The following MICAL3 variants were observed in gnomAD, a reference collection of about 807,000 sequenced individuals.
MICAL3 encodes the protein [F-actin]-monooxygenase MICAL3.
A neutral mutation model predicts 207.4 loss-of-function variants in MICAL3; 62 were observed. That is an observed-to-expected ratio of 0.30 (90% CI 0.24 to 0.37). MICAL3 has a LOEUF of 0.37. Ranked by LOEUF, MICAL3 falls within the 10% of genes least tolerant of loss-of-function variation. MICAL3 has a pLI of 1.00. For synonymous variants in MICAL3, 1,077 were observed against 1,069.3 expected (o/e 1.01, Z -0.14); for missense variants, 2,368 against 2,635.6 (o/e 0.90, Z 2.22).
chr22:17,829,742 C>T (rs1281218434), intron 21 of MICAL3, among the ~76,000 whole-genome samples: 2 of 152,220 alleles, frequency 1.3e-5, no homozygotes, highest in South Asian at 2.1e-4. Context: ...GATAGGTTTC[C>T]TGCATCAGAG....
chr22:17,960,660 G>A (rs899492247), intron 1 of MICAL3, among the ~76,000 whole-genome samples: 17 of 152,046 alleles, frequency 1.1e-4, no homozygotes, highest in African/African-American at 3.4e-4. Flanking sequence ...CTGTGTCCCC[G>A]TCCGCTTAGG....
At chr22:17,893,022 C>T (rs952491591) in intron 11 of MICAL3, among the ~76,000 whole-genome samples, 1 of 152,206 alleles carries the variant, frequency 6.6e-6, no homozygotes, top group Admixed American at 6.5e-5. Flanking sequence ...GTGAGGTAGA[C>T]ACTGCTGCCC....
rs757904216 is a variant in MICAL3 at position 17,900,952 on chromosome 22, G to A, written c.737C>T (p.Thr246Met). 1 of 1,613,986 alleles carries A rather than the reference G, an allele frequency of 6.2e-7. No individual in the cohort carries two copies. Among genetic ancestry groups the A allele is most frequent in the Non-Finnish European group, 8.5e-7 (1 of 1,179,850 alleles). The change falls in exon 6 of 32, where the codon ACG (threonine) becomes ATG (methionine). Residue 246 changes from threonine to methionine, a missense_variant. Thr to Met is a moderately conservative substitution (Grantham distance 81, BLOSUM62 -1). Around this residue, in one of 4 missense-constraint regions of MICAL3, gnomAD observed 400 missense variants for 547.0 expected, o/e 0.73. Transcript: ENST00000441493. This position sits in a 1 kb window ranked among gnomAD's most constrained non-coding sequence, Gnocchi z 4.0. Reference protein sequence around the residue: ...EFRGKLAIAITANFINRNTTA... With the variant: ...EFRGKLAIAIMANFINRNTTA... ...TGTATTTCGGTTGATAAAATTTGCC[G>A]TGATGGCGATGGCCAGTTTGCCACG...
chr22:17,879,670 G>T (rs1239081679), intron 16 of MICAL3, among the ~76,000 whole-genome samples: 1 of 152,194 alleles, frequency 6.6e-6, no homozygotes, highest in African/African-American at 2.4e-5. Context: ...TACAAAGGTG[G>T]AACAAGCATA....
chr22:17,852,274 G>A (rs1357261625), intron 19 of MICAL3, among the ~76,000 whole-genome samples: 2 of 152,256 alleles, frequency 1.3e-5, no homozygotes, highest in East Asian at 1.9e-4. Flanking sequence ...GTTGCCTGCC[G>A]CAGTGCCCAT....
intron 1 of MICAL3, among the ~76,000 whole-genome samples, chr22:18,001,668 C>G (rs1312740384): frequency 3.3e-5 from 5 of 152,364 alleles, no homozygotes; most frequent in Admixed American, 2.6e-4. Flanking sequence ...TCAGTCTTGC[C>G]AGAATCTCAC....
In MICAL3 at chr22:17,791,243, C is replaced by G. The variant is rs199721269; in HGVS notation, c.5709G>C (p.Glu1903Asp). 6.4e-5 allele frequency: 104 copies of G among 1,613,960 alleles called. No individual in the cohort carries two copies. In the African/African-American group the frequency reaches 1.0e-3, roughly 16 times the overall value. Reference sequence around the variant, plus strand: ...ACTCGTAGCGCACCATGGCGTTCTTCTCCTGCACTAGCTTGAACCACTCCT... The same window carrying G: ...ACTCGTAGCGCACCATGGCGTTCTTGTCCTGCACTAGCTTGAACCACTCCT... ...LMQEWFKLVQ[E>D]KNAMVRYESE... The change falls in exon 30 of 32, where the codon GAG becomes GAC. Residue 1903 changes from glutamate (E) to aspartate (D), a missense_variant. Glu to Asp is a conservative substitution (Grantham distance 45, BLOSUM62 2). Coordinates refer to ENST00000441493, the MANE Select transcript of MICAL3 (RefSeq NM_015241.3).
chr22:18,023,717 C>A (rs1413980085), intron 1 of MICAL3, among the ~76,000 whole-genome samples: 1 of 152,260 alleles, frequency 6.6e-6, no homozygotes, highest in Non-Finnish European at 1.5e-5. Flanking sequence ...CCTGGGAGCG[C>A]AAGCGTGTGC....
At chr22:17,833,993 C>T (rs1351503712) in intron 20 of MICAL3, among the ~76,000 whole-genome samples, 2 of 152,188 alleles carry the variant, frequency 1.3e-5, no homozygotes, top group African/African-American at 4.8e-5. Flanking sequence ...CGAACCATAA[C>T]CATGAGTACA....
chr22:17,867,903 C>T (rs145289401), intron 17 of MICAL3, among the ~76,000 whole-genome samples: 22 of 152,290 alleles, frequency 1.4e-4, no homozygotes, highest in African/African-American at 5.1e-4. Flanking sequence ...CATTAATTTG[C>T]TTGTTTTTGC....
Position 17,895,293 on chromosome 22 carries a change from C to A in MICAL3, c.1440G>T (p.Arg480=), listed in dbSNP as rs1243957680. Residue 480 remains arginine, a synonymous_variant, in exon 10 of 32, where the codon CGG becomes CGT. Coordinates refer to ENST00000441493, the MANE Select transcript of MICAL3 (RefSeq NM_015241.3). ...GACAAGAAGGTCTTACCTGGCTTGG[C>A]CGGAGGAAGTTGACGTTGATATTGG... is the stretch of plus-strand genomic sequence containing the variant. The part of the protein sequence containing the change: ...RYPNINVNFL[R]PSQVRHLYDT... The A allele has an allele frequency of 2.5e-6, 4 of 1,613,178 alleles. No homozygotes were observed. In the South Asian group the frequency reaches 3.3e-5, roughly 13 times the overall value.
At chr22:17,897,212 C>T (rs929849995) in intron 7 of MICAL3, among the ~76,000 whole-genome samples, 3 of 151,984 alleles carry the variant, frequency 2.0e-5, no homozygotes, top group Non-Finnish European at 2.9e-5. Flanking sequence ...CACTTGAGGA[C>T]GTGACTTCGA....
intron 1 of MICAL3, among the ~76,000 whole-genome samples, chr22:17,924,392 T>G (rs1390636706): frequency 2.6e-5 from 4 of 152,154 alleles, no homozygotes; most frequent in Non-Finnish European, 5.9e-5. Flanking sequence ...TACCACTCAC[T>G]GGGGCAAGGA....
chr22:17,885,378 G>C (rs1372501666), intron 16 of MICAL3, among the ~76,000 whole-genome samples: 1 of 152,080 alleles, frequency 6.6e-6, no homozygotes, highest in Non-Finnish European at 1.5e-5. Flanking sequence ...AACAACATGG[G>C]AACGCCTACG....
intron 16 of MICAL3, among the ~76,000 whole-genome samples, chr22:17,881,458 G>A (rs1439621690): frequency 2.0e-5 from 3 of 152,152 alleles, no homozygotes; most frequent in Admixed American, 6.5e-5. Context: ...GTGGTCTCCC[G>A]TGGGCCCCCA....
chr22:17,986,049 G>A (rs1920989924), intron 1 of MICAL3, among the ~76,000 whole-genome samples: 2 of 152,170 alleles, frequency 1.3e-5, no homozygotes, highest in South Asian at 2.1e-4. Flanking sequence ...TAGGATTACA[G>A]GCACCCGCCA....
rs372674670 is a variant in MICAL3, at chr22:18,012,602, C to T, written c.-75+11679G>A. Reference sequence around the variant, plus strand: ...CAGATAGGGCCGGGGCGGCCAGAGCCTCCCAGCCAGTCTCCTCCTGCAGGA... The same window carrying T: ...CAGATAGGGCCGGGGCGGCCAGAGCTTCCCAGCCAGTCTCCTCCTGCAGGA... On this transcript the variant is annotated intron_variant, in intron 1 of 31. Transcript: ENST00000441493. Among the ~76,000 whole-genome samples, 21 of 152,364 alleles carry T rather than the reference C, an allele frequency of 1.4e-4. 1 individual carries two copies. The East Asian group carries it at 2.5e-3, about 18-fold the overall frequency.
At position 17,994,455 on chromosome 22, in the gene MICAL3, C is replaced by T. The variant is rs959208504; in HGVS notation, c.-75+29826G>A. ...CAGAAAAGAGACAGAGGGCTGGGTG[C>T]AGTGGGGTGCCTGTAATCCCAGCAC... is the stretch of plus-strand genomic sequence containing the variant. On this transcript the variant is annotated intron_variant, in intron 1 of 31. Coordinates refer to ENST00000441493, the MANE Select transcript of MICAL3 (RefSeq NM_015241.3). Among the ~76,000 whole-genome samples, 3 of 152,230 alleles carry T rather than the reference C, an allele frequency of 2.0e-5. 1 individual carries two copies. Among genetic ancestry groups the T allele is most frequent in the Non-Finnish European group, 4.4e-5 (3 of 68,038 alleles).
chr22:17,921,940 T>C (rs1381908369), intron 1 of MICAL3, among the ~76,000 whole-genome samples: 1 of 152,254 alleles, frequency 6.6e-6, no homozygotes, highest in African/African-American at 2.4e-5. Flanking sequence ...CTTCTCTCAC[T>C]ACTATTAATA....
Sources: allele counts gnomAD v4.1 joint callset (sites outside exome capture counted in the v4.1 genomes callset), GRCh38; gene constraint gnomAD v4.1.1; regional missense constraint gnomAD v4.1.1; non-coding constraint Gnocchi (gnomAD v3.1); transcripts MANE v1.5; gene names NCBI Gene and HGNC (gene_info 2026-07-23, HGNC 2026-07-21).